Variants in FAM149A observed in about 807,000 individuals in gnomAD.
FAM149A encodes the protein family with sequence similarity 149 member A, also known as protein FAM149A.
A neutral mutation model predicts 78.2 loss-of-function variants in FAM149A; 71 were observed. The ratio of observed to expected loss-of-function variants is 0.91; its 90% CI spans 0.75 to 1.11. The LOEUF is 1.11. Ranked by LOEUF, FAM149A falls within the 50% of genes least tolerant of loss-of-function variation. The pLI is 0.00. For missense variants in FAM149A, 1,036 were observed against 971.0 expected, an observed-to-expected ratio of 1.07 and a Z score of -0.89; for synonymous variants, 446 against 410.5, an observed-to-expected ratio of 1.09 and a Z score of -1.04.
rs1291836083 is a variant in FAM149A, at chr4:186,164,644, A to C, written c.1890-700A>C. 4.1e-6 allele frequency: 1 copy of C among 242,562 alleles called. No individual in the cohort carries two copies. Among genetic ancestry groups the C allele is most frequent in the Non-Finnish European group, 6.6e-6 (1 of 150,854 alleles). 15.0% of individuals were successfully genotyped at this position (242,562 alleles called of 1,614,324 possible). A position where few individuals can be genotyped will look rare whatever the true frequency, so the allele number is the denominator to read the frequency against. On this transcript the variant is annotated intron_variant, in intron 10 of 13. Coordinates refer to ENST00000389354, the MANE Select transcript of FAM149A (RefSeq NM_001367768.3). This position sits in a 1 kb window ranked among gnomAD's most constrained non-coding sequence, Gnocchi z 4.0. ...CTCGCTTCCCCCCATGCCAGTCAGC[A>C]GCACACGGTGCCAGTCAGCAACACA...
At chr4:186,141,730 G>T (rs1285902893) in intron 1 of FAM149A, among the ~76,000 whole-genome samples, 2 of 152,164 alleles carry the variant, frequency 1.3e-5, no homozygotes, top group African/African-American at 4.8e-5. Flanking sequence ...CTAGGCAGGG[G>T]TAAAGGTGAA....
At chr4:186,160,127 CACCAAACACATACCACATACACA>C in intron 8 of FAM149A, among the ~76,000 whole-genome samples, 1 of 145,452 alleles carries the variant, frequency 6.9e-6, no homozygotes, top group East Asian at 2.1e-4. Context: ...ACACACCACA[CACCAAACACATACCACATACACA>C]CACTACACGC....
Position 186,157,553 on chromosome 4 carries a change from C to A in FAM149A, c.1421-12C>A. ...GATGTTTCTTGTAATATTGATTCTT[C>A]TGTTGACACAGAAGGGAAAAAACAG... On this transcript the variant is annotated splice_polypyrimidine_tract_variant and intron_variant, in intron 7 of 13. Transcript: ENST00000389354. 6.2e-7 allele frequency: 1 copy of A among 1,611,900 alleles called. No homozygotes were observed. The highest frequency in any genetic ancestry group is 8.5e-7 in the Non-Finnish European group (1 of 1,178,066).
intron 8 of FAM149A, among the ~76,000 whole-genome samples, chr4:186,159,771 C>T (rs922523605): frequency 1.4e-4 from 21 of 152,036 alleles, no homozygotes; most frequent in Non-Finnish European, 2.9e-4. Flanking sequence ...CACTTGTTCA[C>T]GCGAGGCCTG....
intron 1 of FAM149A, among the ~76,000 whole-genome samples, chr4:186,133,880 C>A (rs375355731): frequency 8.5e-5 from 13 of 152,170 alleles, no homozygotes; most frequent in Admixed American, 5.9e-4. Flanking sequence ...TGGTCTCGAA[C>A]TCCTGGCTCA....
chr4:186,170,711 C>T (rs143970142), intron 13 of FAM149A, among the ~76,000 whole-genome samples: 1 of 152,188 alleles, frequency 6.6e-6, no homozygotes, highest in Admixed American at 6.5e-5. Flanking sequence ...GAGAAGGAGG[C>T]CCTTTCACCC....
chr4:186,172,156 A>G lies in FAM149A; in HGVS notation c.*169A>G. The G allele has an allele frequency of 3.8e-6, 4 of 1,042,102 alleles. No homozygotes were observed. The highest frequency in any genetic ancestry group is 5.2e-6 in the Non-Finnish European group (4 of 775,446). The allele number at this position is 1,042,102 out of a possible 1,614,324, so 64.6% of individuals were successfully genotyped here. A position where few individuals can be genotyped will look rare whatever the true frequency, so the allele number is the denominator to read the frequency against. ...CTTAATCTTGAACACTTTGCACTGT[A>G]AAGAGAGTGAAAGTCAAACCCACCA... On this transcript the variant is annotated 3_prime_UTR_variant, in exon 14 of 14. Coordinates refer to ENST00000389354, the MANE Select transcript of FAM149A (RefSeq NM_001367768.3).
At chr4:186,118,142 A>T in intron 1 of FAM149A, 1 of 985,436 alleles carries the variant, frequency 1.0e-6, no homozygotes, top group Non-Finnish European at 1.2e-6. Context: ...CTTTGCACGT[A>T]CAGGAGTTGG....
intron 1 of FAM149A, chr4:186,133,211 CAG>C (rs1282263840): frequency 8.1e-6 from 8 of 983,138 alleles, no homozygotes; most frequent in African/African-American, 1.7e-5. Context: ...ATGCATGAGA[CAG>C]AATTTATTTT....
Position 186,163,641 on chromosome 4 carries a change from T to A in FAM149A, c.1889+8T>A. 1 of 1,605,188 alleles carries A rather than the reference T, an allele frequency of 6.2e-7. No individual in the cohort carries two copies. The highest frequency in any genetic ancestry group is 8.5e-7 in the Non-Finnish European group (1 of 1,173,166). On this transcript the variant is annotated splice_region_variant and intron_variant, in intron 10 of 13. Coordinates refer to ENST00000389354, the MANE Select transcript of FAM149A (RefSeq NM_001367768.3). Reference sequence around the variant, plus strand: ...TCTTCGGGGAACAAAACTGTGAGTCTCATTTCTTTCATAGTAAACTAAAGG... The same window carrying A: ...TCTTCGGGGAACAAAACTGTGAGTCACATTTCTTTCATAGTAAACTAAAGG...
chr4:186,105,520 C>A lies in FAM149A; in HGVS notation c.444C>A (p.Gly148=). The stretch of plus-strand genomic sequence containing the variant: ...TCCCCAGGAACCCGCTCCAGCCTGG[C>A]CCCGGAGAGCGAGAGCTCGGCGCCT... Residue 148 remains glycine (G), a synonymous_variant, in exon 1 of 14, where the codon GGC becomes GGA. Transcript: ENST00000389354. 1 of 1,155,610 alleles carries A rather than the reference C, an allele frequency of 8.7e-7. No individual in the cohort carries two copies. Among genetic ancestry groups the A allele is most frequent in the Non-Finnish European group, 1.1e-6 (1 of 932,194 alleles). The allele number at this position is 1,155,610 out of a possible 1,614,324, so 71.6% of individuals were successfully genotyped here.
intron 1 of FAM149A, among the ~76,000 whole-genome samples, chr4:186,130,735 A>G (rs546494910): frequency 6.6e-6 from 1 of 152,258 alleles, no homozygotes; most frequent in South Asian, 2.1e-4. Flanking sequence ...TTCAAACAAT[A>G]CAGTAATTCC....
At chr4:186,125,804 C>G (rs191160110) in intron 1 of FAM149A, 4 of 985,178 alleles carry the variant, frequency 4.1e-6, no homozygotes, top group South Asian at 9.4e-5. Flanking sequence ...AATACCCAAC[C>G]GTTTGGAAGG....
chr4:186,149,151 T>C, intron 1 of FAM149A, 22 bp from the exon 2 acceptor site: 1 of 1,267,266 alleles, frequency 7.9e-7, no homozygotes, highest in Non-Finnish European at 1.0e-6. Context: ...GGGAGACTCG[T>C]CATGTTTTAT....
chr4:186,158,336 C>G (rs774552646), intron 8 of FAM149A: 3 of 1,205,512 alleles, frequency 2.5e-6, no homozygotes, highest in Non-Finnish European at 3.2e-6. Context: ...AACACAGATT[C>G]TCCTCTGTGC....
chr4:186,126,814 TCTC>T, intron 1 of FAM149A: 1 of 887,182 alleles, frequency 1.1e-6, no homozygotes, highest in Non-Finnish European at 1.4e-6. Flanking sequence ...CCCTAATAAA[TCTC>T]CTGGTGTATG....
Position 186,147,065 on chromosome 4 carries a change from C to T in FAM149A, c.567-2108C>T, listed in dbSNP as rs1259688738. The stretch of plus-strand genomic sequence containing the variant: ...CAAAGAAACAAGAACACAGCATCTT[C>T]GTAGAGTAGCAGGTGATGATGATAA... On this transcript the variant is annotated intron_variant, in intron 1 of 13. Coordinates refer to ENST00000389354, the MANE Select transcript of FAM149A (RefSeq NM_001367768.3). 1.1e-5 allele frequency: 8 copies of T among 751,386 alleles called. 1 individual carries two copies. In the South Asian group the frequency reaches 3.6e-4, roughly 34 times the overall value. 46.5% of individuals were successfully genotyped at this position (751,386 alleles called of 1,614,324 possible).
At chr4:186,171,816 T>C (rs189587509) in intron 13 of FAM149A, 98 bp from the exon 14 acceptor site, 1 of 780,470 alleles carries the variant, frequency 1.3e-6, no homozygotes, top group East Asian at 3.2e-5. Flanking sequence ...ATAAAATATA[T>C]ATTTTAAAGT....
At chr4:186,127,878 G>A (rs1200855297) in intron 1 of FAM149A, among the ~76,000 whole-genome samples, 1 of 151,076 alleles carries the variant, frequency 6.6e-6, no homozygotes, top group East Asian at 2.0e-4. Context: ...AGTAGAGACA[G>A]GGTTTCACCA....
Sources: allele counts gnomAD v4.1 joint callset (sites outside exome capture counted in the v4.1 genomes callset), GRCh38; gene constraint gnomAD v4.1.1; non-coding constraint Gnocchi (gnomAD v3.1); transcripts MANE v1.5; gene names NCBI Gene and HGNC (gene_info 2026-07-23, HGNC 2026-07-21).